Variants in IL12RB2 observed in about 807,000 individuals in gnomAD.
IL12RB2 encodes the protein interleukin-12 receptor subunit beta-2.
A neutral mutation model predicts 89.4 loss-of-function variants in IL12RB2; 82 were observed. The observed-to-expected ratio is 0.92, with a 90% confidence interval of 0.77 to 1.10. The LOEUF (loss-of-function observed/expected upper bound fraction) is 1.10. Ranked by LOEUF, IL12RB2 falls within the 50% of genes least tolerant of loss-of-function variation. The probability of loss-of-function intolerance (pLI) is 0.00; values close to 1 mark genes in which losing one functional copy is unlikely to be tolerated. For synonymous variants in IL12RB2, 368 were observed against 370.1 expected (o/e 0.99, Z 0.07); for missense variants, 963 against 1,031.9 (o/e 0.93, Z 0.92).
At chr1:67,386,550 C>G in intron 14 of IL12RB2, 29 bp from the exon 15 acceptor site, 5 of 1,478,866 alleles carry the variant, frequency 3.4e-6, no homozygotes, top group Admixed American at 1.7e-5. Context: ...TGATAACTCA[C>G]TCAGTCACAG....
At chr1:67,358,004 A>G (rs1472781405) in intron 10 of IL12RB2, among the ~76,000 whole-genome samples, 1 of 152,194 alleles carries the variant, frequency 6.6e-6, no homozygotes, top group Non-Finnish European at 1.5e-5. Flanking sequence ...AAAGAAAAAC[A>G]TAAGATTTCA....
chr1:67,317,147 G>C (rs769018921), intron 2 of IL12RB2, among the ~76,000 whole-genome samples: 2 of 152,170 alleles, frequency 1.3e-5, no homozygotes, highest in Non-Finnish European at 2.9e-5. Flanking sequence ...GCATGAATAG[G>C]CATGGGACGG....
chr1:67,356,115 G>A (rs1325500252), intron 10 of IL12RB2, among the ~76,000 whole-genome samples: 2 of 152,152 alleles, frequency 1.3e-5, no homozygotes, highest in Non-Finnish European at 2.9e-5. Flanking sequence ...AAATACCAAG[G>A]CAAGTGAAGA....
At chr1:67,382,247 T>C (rs189663144) in intron 14 of IL12RB2, among the ~76,000 whole-genome samples, 54 of 152,330 alleles carry the variant, frequency 3.5e-4, no homozygotes, top group Non-Finnish European at 6.9e-4. Context: ...CAGATCCTCC[T>C]GATTGTATGG....
rs1654479558 is a variant in IL12RB2, at chr1:67,307,919, AC to A, written c.-170del. On this transcript the variant is annotated 5_prime_UTR_variant, in exon 1 of 17. Transcript: ENST00000674203. The stretch of plus-strand genomic sequence containing the variant: ...ACGTGCGGCCCAGAGCACCGGGGCC[AC>A]CCGGTCCCCGCAGGCCCGGGACCGC... 1 of 151,848 alleles carries A rather than the reference AC, an allele frequency of 6.6e-6. No individual in the cohort carries two copies. The highest frequency in any genetic ancestry group is 2.4e-5 in the African/African-American group (1 of 41,366). 9.4% of individuals were successfully genotyped at this position (151,848 alleles called of 1,614,324 possible). A position where few individuals can be genotyped will look rare whatever the true frequency, so the allele number is the denominator to read the frequency against.
At chr1:67,350,497 C>CCTTGCCCTTGGG (rs1660710899) in intron 9 of IL12RB2, among the ~76,000 whole-genome samples, 2 of 152,212 alleles carry the variant, frequency 1.3e-5, no homozygotes, top group Admixed American at 6.5e-5. Context: ...GGGCTGAGTG[C>CCTTGCCCTTGGG]CTTGCCCTTG....
rs1043996152 is a variant in IL12RB2, at chr1:67,384,082, T to G, written c.1856-2497T>G. 2.0e-5 allele frequency among the ~76,000 whole-genome samples: 3 copies of G among 152,242 alleles called. No individual in the cohort carries two copies. In the East Asian group the frequency reaches 5.8e-4, roughly 29 times the overall value. On this transcript the variant is annotated intron_variant, in intron 14 of 16. Transcript: ENST00000674203. ...AGTGGCCCTCTTTTCACAGTTCCACTAGGCAGTGCCCAGTGGGGACCCTGT... is the reference window on the plus strand; with the variant it reads ...AGTGGCCCTCTTTTCACAGTTCCACGAGGCAGTGCCCAGTGGGGACCCTGT...
Position 67,328,332 on chromosome 1 carries a change from T to C in IL12RB2, c.612T>C (p.Asn204=), listed in dbSNP as rs1657606983. 4 of 1,614,064 alleles carry C rather than the reference T, an allele frequency of 2.5e-6. No homozygotes were observed. Among genetic ancestry groups the C allele is most frequent in the Non-Finnish European group, 3.4e-6 (4 of 1,180,040 alleles). ...TCACAGCCAAGGTTACTGCTGTCAATAGTCTTGGAAGCTCCTCTTCACTTC... is the reference window on the plus strand; with the variant it reads ...TCACAGCCAAGGTTACTGCTGTCAACAGTCTTGGAAGCTCCTCTTCACTTC... ...SNFTAKVTAV[N]SLGSSSSLPS... is the part of the protein sequence containing the mutation. Residue 204 remains asparagine (N), a synonymous_variant, in exon 6 of 17, where the codon AAT becomes AAC. Coordinates refer to ENST00000674203, the MANE Select transcript of IL12RB2 (RefSeq NM_001374259.2).
At chr1:67,323,924 C>G (rs1656932615) in intron 4 of IL12RB2, among the ~76,000 whole-genome samples, 1 of 152,056 alleles carries the variant, frequency 6.6e-6, no homozygotes, top group African/African-American at 2.4e-5. Flanking sequence ...GATCCTCAAG[C>G]AGATGAAATG....
intron 2 of IL12RB2, among the ~76,000 whole-genome samples, chr1:67,318,723 T>A (rs1432696353): frequency 6.6e-6 from 1 of 152,042 alleles, no homozygotes; most frequent in Non-Finnish European, 1.5e-5. Context: ...AACACCTTAA[T>A]ATTGAGAATC....
intron 16 of IL12RB2, among the ~76,000 whole-genome samples, chr1:67,393,865 G>C (rs12133473): frequency 2.3e-3 from 352 of 152,046 alleles, no homozygotes; most frequent in African/African-American, 8.0e-3. Context: ...CTTGTCCCAC[G>C]GCTATTTTTT....
At chr1:67,325,923 A>G (rs190191411) in intron 4 of IL12RB2, among the ~76,000 whole-genome samples, 1 of 152,288 alleles carries the variant, frequency 6.6e-6, no homozygotes, top group East Asian at 1.9e-4. Flanking sequence ...GGGTCCTTTC[A>G]CCATAAAATA....
intron 10 of IL12RB2, 73 bp downstream of exon 10, chr1:67,351,162 C>A: frequency 6.4e-7 from 1 of 1,573,370 alleles, no homozygotes; most frequent in Non-Finnish European, 8.6e-7. Context: ...CCTGCAGGCC[C>A]AACCCAGGAC....
chr1:67,368,716 C>T (rs1662969436), intron 11 of IL12RB2, among the ~76,000 whole-genome samples: 1 of 152,204 alleles, frequency 6.6e-6, no homozygotes, highest in African/African-American at 2.4e-5. Context: ...TGCAGCCATA[C>T]TACCTGGGTT....
intron 5 of IL12RB2, among the ~76,000 whole-genome samples, chr1:67,327,878 A>G (rs972671534): frequency 2.0e-5 from 3 of 152,228 alleles, no homozygotes; most frequent in African/African-American, 7.2e-5. Context: ...AGGTGGCCAC[A>G]GTGCTTAGGA....
chr1:67,361,958 T>A (rs886573944), intron 10 of IL12RB2, among the ~76,000 whole-genome samples: 2 of 152,178 alleles, frequency 1.3e-5, no homozygotes, highest in Non-Finnish European at 2.9e-5. Context: ...AATATAAGAA[T>A]TACATCTAAC....
At position 67,328,286 on chromosome 1, in the gene IL12RB2, CT is replaced by C. The variant is rs1404808182; in HGVS notation, c.567del (p.Glu190AsnfsTer32). 28 of 1,614,074 alleles carry C rather than the reference CT, an allele frequency of 1.7e-5. No individual in the cohort carries two copies. The highest frequency in any genetic ancestry group is 2.3e-5 in the Non-Finnish European group (27 of 1,180,032). On this transcript the variant is annotated frameshift_variant, in exon 6 of 17. Coordinates refer to ENST00000674203, the MANE Select transcript of IL12RB2 (RefSeq NM_001374259.2). LOFTEE classifies it high-confidence loss of function. ...DYLDFGINLT[P>X]ESPESNFTAK... ...TTGGACTTTGGAATCAACCTCACCC[CT>C]GAATCACCTGAATCCAATTTCACAG...
rs201711610 is a variant in IL12RB2, at chr1:67,333,459, A to C, written c.958+2649A>C. Among the ~76,000 whole-genome samples the C allele has an allele frequency of 2.7e-5, 4 of 147,254 alleles. No homozygotes were observed. In the East Asian group the frequency reaches 7.9e-4, roughly 29 times the overall value. ...TCTACAACAGAGTCAGCCTTTTTGC[A>C]GCCTTTGCTTCTCAAAATTGAGAGA... On this transcript the variant is annotated intron_variant, in intron 8 of 16. Transcript: ENST00000674203.
Position 67,396,409 on chromosome 1 carries a change from C to T in IL12RB2, c.*320C>T, listed in dbSNP as rs1371971422. ...ATGAGGAGGAGAGTAGAAACCACAG[C>T]TCTTAGTAGTAATGGCATACAGTCT... On this transcript the variant is annotated 3_prime_UTR_variant, in exon 17 of 17. Coordinates refer to ENST00000674203, the MANE Select transcript of IL12RB2 (RefSeq NM_001374259.2). The T allele has an allele frequency of 1.1e-5, 5 of 461,124 alleles. No individual in the cohort carries two copies. Among genetic ancestry groups the T allele is most frequent in the Non-Finnish European group, 2.0e-5 (5 of 248,670 alleles). The allele number at this position is 461,124 out of a possible 1,614,324, so 28.6% of individuals were successfully genotyped here.
Sources: allele counts gnomAD v4.1 joint callset (sites outside exome capture counted in the v4.1 genomes callset), GRCh38; gene constraint gnomAD v4.1.1; transcripts MANE v1.5; gene names NCBI Gene and HGNC (gene_info 2026-07-23, HGNC 2026-07-21).